FNDC3A: variants seen among roughly 807,000 people sequenced by gnomAD.
FNDC3A encodes the protein fibronectin type-III domain-containing protein 3A.
FNDC3A carries 32 observed loss-of-function variants against 148.9 expected under a neutral mutation model. That is an observed-to-expected ratio of 0.21 (90% CI 0.16 to 0.29). FNDC3A has a LOEUF of 0.29. Ranked by LOEUF, FNDC3A falls within the 10% of genes least tolerant of loss-of-function variation. The pLI, the probability that FNDC3A is intolerant of heterozygous loss-of-function variation, is 1.00. For synonymous variants in FNDC3A, 472 were observed against 473.6 expected (o/e 1.00, Z 0.04); for missense variants, 1,191 against 1,452.8 (o/e 0.82, Z 2.93).
chr13:49,130,730 A>G (rs1213150780), intron 4 of FNDC3A, among the ~76,000 whole-genome samples: 3 of 152,176 alleles, frequency 2.0e-5, no homozygotes, highest in Admixed American at 2.0e-4. Flanking sequence ...CCAAATTTTT[A>G]AAATTTCTAA....
chr13:49,122,358 A>G (rs1453045867), intron 4 of FNDC3A, among the ~76,000 whole-genome samples: 1 of 152,182 alleles, frequency 6.6e-6, no homozygotes, highest in Non-Finnish European at 1.5e-5. Context: ...TCAAAATAAT[A>G]AGAGCTGTTT....
chr13:49,073,053 T>G (rs2137772397), intron 2 of FNDC3A, among the ~76,000 whole-genome samples: 1 of 152,318 alleles, frequency 6.6e-6, no homozygotes, highest in East Asian at 1.9e-4. Context: ...ACTAGCTACA[T>G]TTCAAGTGCT....
chr13:49,110,242 G>A (rs781195653), intron 3 of FNDC3A: 257 of 982,480 alleles, frequency 2.6e-4, no homozygotes, highest in Non-Finnish European at 3.2e-4. Context: ...GGTCACTGCA[G>A]GTCACGTGAT....
chr13:49,057,290 T>C (rs1456334327), intron 2 of FNDC3A, among the ~76,000 whole-genome samples: 1 of 152,224 alleles, frequency 6.6e-6, no homozygotes, highest in East Asian at 1.9e-4. Context: ...ATTATTCTTT[T>C]ACTAAATGCG....
In FNDC3A at chr13:49,178,550, T is replaced by C; in HGVS notation, c.1531-18T>C. The C allele has an allele frequency of 1.3e-6, 2 of 1,497,220 alleles. No individual in the cohort carries two copies. The highest frequency in any genetic ancestry group is 1.8e-6 in the Non-Finnish European group (2 of 1,082,698). The allele number at this position is 1,497,220 out of a possible 1,614,324, so 92.7% of individuals were successfully genotyped here. A position where few individuals can be genotyped will look rare whatever the true frequency, so the allele number is the denominator to read the frequency against. ...ATTGTTAGACATCGAATGAAGACTT[T>C]GTTTTTTCCTTTTCCAGGGATATGG... On this transcript the variant is annotated intron_variant, in intron 13 of 25. Transcript: ENST00000492622.
intron 2 of FNDC3A, among the ~76,000 whole-genome samples, chr13:49,019,567 G>A (rs752637651): frequency 3.0e-4 from 45 of 152,314 alleles, no homozygotes; most frequent in Non-Finnish European, 5.6e-4. Context: ...CATCTTCTGC[G>A]TCGCTCTCTC....
intron 2 of FNDC3A, among the ~76,000 whole-genome samples, chr13:49,070,115 T>G (rs1877546507): frequency 6.6e-6 from 1 of 152,108 alleles, no homozygotes; most frequent in Non-Finnish European, 1.5e-5. Context: ...TAAGTAGTGT[T>G]TTTTTAAAAT....
At chr13:49,045,977 TATC>T (rs975988566) in intron 2 of FNDC3A, 1 of 180,168 alleles carries the variant, frequency 5.6e-6, no homozygotes, top group African/African-American at 2.4e-5. Context: ...TAAGAAATTT[TATC>T]ATAATTGTTG....
chr13:48,977,349 A>G (rs570280245), intron 1 of FNDC3A, among the ~76,000 whole-genome samples: 1 of 152,258 alleles, frequency 6.6e-6, no homozygotes, highest in Non-Finnish European at 1.5e-5. Context: ...CTCTTACTAT[A>G]ATATTTTATC....
intron 13 of FNDC3A, among the ~76,000 whole-genome samples, chr13:49,176,647 A>G (rs1355165921): frequency 1.3e-5 from 2 of 150,902 alleles, no homozygotes; most frequent in African/African-American, 4.9e-5. Context: ...AAAAAATCAG[A>G]AAAAAAAACA....
intron 1 of FNDC3A, among the ~76,000 whole-genome samples, chr13:48,979,113 A>G (rs151326591): frequency 7.2e-5 from 11 of 152,230 alleles, no homozygotes; most frequent in Admixed American, 2.0e-4. Flanking sequence ...CCAATCACTT[A>G]TCACCCATTA....
At chr13:49,025,689 T>C (rs1044986564) in intron 2 of FNDC3A, among the ~76,000 whole-genome samples, 4 of 152,090 alleles carry the variant, frequency 2.6e-5, no homozygotes, top group African/African-American at 7.2e-5. Context: ...TTAATTGGAC[T>C]TATTAAAAGT....
At chr13:48,986,397 T>G (rs1022302912) in intron 1 of FNDC3A, among the ~76,000 whole-genome samples, 18 of 116,856 alleles carry the variant, frequency 1.5e-4, no homozygotes, top group African/African-American at 5.0e-4. Flanking sequence ...TTTTTTTTTT[T>G]TTTTTTTTTT....
intron 4 of FNDC3A, among the ~76,000 whole-genome samples, chr13:49,121,834 T>G (rs1169002739): frequency 6.6e-6 from 1 of 151,760 alleles, no homozygotes; most frequent in Non-Finnish European, 1.5e-5. Context: ...CAATAACAAG[T>G]TCTAAAATTG....
chr13:49,206,617 A>AAGCACCT (rs1310275397), intron 25 of FNDC3A, among the ~76,000 whole-genome samples: 1 of 152,166 alleles, frequency 6.6e-6, no homozygotes, highest in Non-Finnish European at 1.5e-5. Context: ...CACCTATAGA[A>AAGCACCT]AGCTCCCCTT....
intron 7 of FNDC3A, among the ~76,000 whole-genome samples, chr13:49,144,415 G>GA: frequency 6.6e-6 from 1 of 152,062 alleles, no homozygotes; most frequent in Non-Finnish European, 1.5e-5. Context: ...GAAAAGGACA[G>GA]AATGTTACAA....
intron 3 of FNDC3A, among the ~76,000 whole-genome samples, chr13:49,080,404 A>G (rs539422864): frequency 1.3e-5 from 2 of 152,178 alleles, no homozygotes; most frequent in Admixed American, 6.6e-5. Context: ...TTCTTTAACC[A>G]TTATTCACTG....
At chr13:49,071,122 G>A (rs961676508) in intron 2 of FNDC3A, among the ~76,000 whole-genome samples, 22 of 138,592 alleles carry the variant, frequency 1.6e-4, no homozygotes, top group Admixed American at 5.6e-4. Context: ...TTGGCCTTGC[G>A]CTCCTGAGCT....
At chr13:48,978,145 T>C (rs1951636135) in intron 1 of FNDC3A, among the ~76,000 whole-genome samples, 1 of 152,162 alleles carries the variant, frequency 6.6e-6, no homozygotes, top group Admixed American at 6.5e-5. Flanking sequence ...GTGTGAGTAA[T>C]TGAGACCTGA....
Sources: gnomAD v4.1 joint callset for allele counts (sites outside exome capture counted in the v4.1 genomes callset) on GRCh38, gnomAD v4.1.1 for gene constraint, MANE v1.5 for transcripts, NCBI Gene and HGNC (gene_info 2026-07-23, HGNC 2026-07-21) for gene names.